LRBA: variants seen among roughly 807,000 people sequenced by gnomAD.
The protein encoded by LRBA is LPS responsive beige-like anchor protein, also known as lipopolysaccharide-responsive and beige-like anchor protein.
Under a neutral mutation model 330.0 loss-of-function variants are expected in LRBA, and 176 were observed. The ratio of observed to expected loss-of-function variants is 0.53; its 90% CI spans 0.47 to 0.60. The LOEUF is 0.60. LRBA is among the 20% of genes least tolerant of loss of function. The pLI, the probability that LRBA is intolerant of heterozygous loss-of-function variation, is 0.00. For missense variants in LRBA, 3,259 were observed against 3,444.8 expected, an observed-to-expected ratio of 0.95 and a Z score of 1.35; for synonymous variants, 1,230 against 1,193.0, an observed-to-expected ratio of 1.03 and a Z score of -0.64.
chr4:150,511,241 G>A (rs1309717508), intron 40 of LRBA, among the ~76,000 whole-genome samples: 1 of 152,106 alleles, frequency 6.6e-6, no homozygotes, highest in African/African-American at 2.4e-5. Context: ...GACTATTTCA[G>A]TTAGCAGAGC....
At chr4:150,396,321 C>T (rs1441791551) in intron 47 of LRBA, among the ~76,000 whole-genome samples, 1 of 152,120 alleles carries the variant, frequency 6.6e-6, no homozygotes, top group Non-Finnish European at 1.5e-5. Context: ...CCTTTGGCAT[C>T]AGACTGGGAG....
chr4:150,398,048 T>C (rs1744982730), intron 47 of LRBA, among the ~76,000 whole-genome samples: 1 of 152,162 alleles, frequency 6.6e-6, no homozygotes, highest in Non-Finnish European at 1.5e-5. Context: ...TATTTTAGTA[T>C]CTTCTCTAGC....
chr4:150,717,086 T>C (rs572570205), intron 36 of LRBA, among the ~76,000 whole-genome samples: 1 of 152,320 alleles, frequency 6.6e-6, no homozygotes, highest in South Asian at 2.1e-4. Context: ...CAGACTACCC[T>C]GGTTCAAGTC....
chr4:150,691,779 GT>G (rs1784163048), intron 36 of LRBA, among the ~76,000 whole-genome samples: 8 of 152,106 alleles, frequency 5.3e-5, no homozygotes, highest in Admixed American at 2.6e-4. Context: ...AGTCATAAAA[GT>G]CAGACACTGA....
intron 44 of LRBA, among the ~76,000 whole-genome samples, chr4:150,464,009 C>CAA (rs34742965): frequency 0.39 from 56,735 of 146,008 alleles, 11,715 homozygotes; most frequent in Middle Eastern, 0.49. Context: ...AACATATCCT[C>CAA]AAAAAAAAAA....
chr4:150,378,917 A>C (rs1474928079), intron 47 of LRBA, among the ~76,000 whole-genome samples: 1 of 152,224 alleles, frequency 6.6e-6, no homozygotes. Flanking sequence ...TTATACTATT[A>C]TTTATGTAAT....
chr4:150,527,532 T>C (rs1465864114), intron 40 of LRBA, among the ~76,000 whole-genome samples: 1 of 152,170 alleles, frequency 6.6e-6, no homozygotes, highest in Non-Finnish European at 1.5e-5. Flanking sequence ...GAATGAGATC[T>C]AAGAAATAAA....
Position 150,958,763 on chromosome 4 carries a change from G to A in LRBA, c.217-29698C>T, listed in dbSNP as rs190402534. ...ACCTCTAGGGCAAGGGTAAACTGCC[G>A]CAAGTCTCTTTGCATGGCAAGAATG... On this transcript the variant is annotated intron_variant, in intron 2 of 56. Coordinates refer to ENST00000651943, the MANE Select transcript of LRBA (RefSeq NM_001364905.1). 6.7e-5 allele frequency among the ~76,000 whole-genome samples: 10 copies of A among 148,854 alleles called. No individual in the cohort carries two copies. The East Asian group carries it at 7.7e-4, about 11-fold the overall frequency.
chr4:150,498,413 G>A (rs1759836865), intron 40 of LRBA, among the ~76,000 whole-genome samples: 2 of 152,060 alleles, frequency 1.3e-5, no homozygotes, highest in South Asian at 2.1e-4. Flanking sequence ...TAATGAAGGA[G>A]AAGAACAAAG....
At chr4:150,902,493 T>C (rs1415712406) in intron 13 of LRBA, among the ~76,000 whole-genome samples, 1 of 152,000 alleles carries the variant, frequency 6.6e-6, no homozygotes, top group Non-Finnish European at 1.5e-5. Flanking sequence ...TGACAGGAAA[T>C]ATCCTCTCCA....
At chr4:150,762,006 A>ACACTAAACAAGT (rs1327357107) in intron 34 of LRBA, among the ~76,000 whole-genome samples, 159 bp from the exon 35 acceptor site, 1 of 151,984 alleles carries the variant, frequency 6.6e-6, no homozygotes, top group Non-Finnish European at 1.5e-5. Context: ...AAGTATACTG[A>ACACTAAACAAGT]CACTAAACAA....
intron 44 of LRBA, among the ~76,000 whole-genome samples, chr4:150,448,325 T>C (rs1412823262): frequency 6.6e-6 from 1 of 152,230 alleles, no homozygotes; most frequent in African/African-American, 2.4e-5. Context: ...AATGTTGCTG[T>C]CATTGTAACA....
chr4:150,773,824 T>C (rs1736903886), intron 34 of LRBA, among the ~76,000 whole-genome samples: 1 of 152,214 alleles, frequency 6.6e-6, no homozygotes, highest in African/African-American at 2.4e-5. Flanking sequence ...ACTAGGCCTA[T>C]TGTGAGAGAG....
chr4:150,301,773 C>T lies in LRBA; in HGVS notation c.8017+852G>A, dbSNP rs79128337. On this transcript the variant is annotated intron_variant, in intron 53 of 56. Coordinates refer to ENST00000651943, the MANE Select transcript of LRBA (RefSeq NM_001364905.1). ...CAGGAAGAATGTGATCCTTCCTTAA[C>T]CAAATACATTGCAACTTGCCTTAAA... Among the ~76,000 whole-genome samples, 12 of 152,220 alleles carry T rather than the reference C, an allele frequency of 7.9e-5. No individual in the cohort carries two copies. In the East Asian group the frequency reaches 2.1e-3, roughly 27 times the overall value.
chr4:150,590,969 C>T (rs141470889), intron 38 of LRBA, 110 bp from the exon 39 acceptor site: 280 of 887,670 alleles, frequency 3.2e-4, no homozygotes, highest in Non-Finnish European at 4.5e-4. Flanking sequence ...ATCTTTTATA[C>T]ACAGTGTCAG....
chr4:150,602,043 C>T lies in LRBA; in HGVS notation c.5922-2912G>A, dbSNP rs200943460. ...TTAAACATGGTCCAAATAGAATAAACGACCTGTAATACCACAGCATGATAA... is the reference window on the plus strand; with the variant it reads ...TTAAACATGGTCCAAATAGAATAAATGACCTGTAATACCACAGCATGATAA... On this transcript the variant is annotated intron_variant, in intron 37 of 56. Transcript: ENST00000651943. 1.5e-4 allele frequency among the ~76,000 whole-genome samples: 7 copies of T among 46,146 alleles called. No individual in the cohort carries two copies. In the East Asian group the frequency reaches 9.3e-3, roughly 61 times the overall value. The allele number at this position is 46,146 out of a possible 152,430, so 30.3% of individuals were successfully genotyped here.
At chr4:150,749,410 TAA>T (rs1733225226) in intron 35 of LRBA, among the ~76,000 whole-genome samples, 1 of 151,942 alleles carries the variant, frequency 6.6e-6, no homozygotes. Flanking sequence ...CGTCTATTTT[TAA>T]AAAGATAAAG....
chr4:150,370,862 A>G (rs11734242), intron 47 of LRBA, among the ~76,000 whole-genome samples: 31,535 of 152,120 alleles, frequency 0.21, 3,991 homozygotes, highest in Non-Finnish European at 0.29. Context: ...ATTTTTTAAA[A>G]CATGATGTTT....
At chr4:150,865,634 G>C (rs1434304430) in intron 22 of LRBA, among the ~76,000 whole-genome samples, 3 of 151,608 alleles carry the variant, frequency 2.0e-5, no homozygotes, top group African/African-American at 7.3e-5. Context: ...GAGGAACAAT[G>C]AATAATTTGT....
Sources: gnomAD v4.1 joint callset for allele counts (sites outside exome capture counted in the v4.1 genomes callset) on GRCh38, gnomAD v4.1.1 for gene constraint, MANE v1.5 for transcripts, NCBI Gene and HGNC (gene_info 2026-07-23, HGNC 2026-07-21) for gene names.